Variants in KIAA0319 observed in about 807,000 individuals in gnomAD.
The protein encoded by KIAA0319 is dyslexia-associated protein KIAA0319.
Under a neutral mutation model 108.4 loss-of-function variants are expected in KIAA0319, and 83 were observed. That is an observed-to-expected ratio of 0.77 (90% CI 0.64 to 0.92). The LOEUF (loss-of-function observed/expected upper bound fraction) is 0.92, where lower values mean the gene tolerates loss of function less well. Ranked by LOEUF, KIAA0319 falls within the 40% of genes least tolerant of loss-of-function variation. The pLI is 0.00. For synonymous variants in KIAA0319, 484 were observed against 510.4 expected (o/e 0.95, Z 0.70); for missense variants, 1,195 against 1,322.4 (o/e 0.90, Z 1.49).
At position 24,627,433 on chromosome 6, in the gene KIAA0319, A is replaced by C. The variant is rs149629668; in HGVS notation, c.-106+18303T>G. ...TTGGGAGGGAAGGTGATTAGGTCTT[A>C]GTGAGCATTTTCCCTCCCTCCCTTC... On this transcript the variant is annotated intron_variant, in intron 1 of 20. Transcript: ENST00000378214. Among the ~76,000 whole-genome samples, 495 of 151,220 alleles carry C rather than the reference A, an allele frequency of 3.3e-3. 2 individuals are homozygous for C. The highest frequency in any genetic ancestry group is 0.011 in the African/African-American group (443 of 41,078).
downstream of KIAA0319, among the ~76,000 whole-genome samples, chr6:24,541,597 A>G (rs567099462): frequency 4.0e-4 from 61 of 152,316 alleles, no homozygotes; most frequent in African/African-American, 1.5e-3. Flanking sequence ...CAGCAGTTTG[A>G]GACCGGCCTG....
rs768773465 is a variant in KIAA0319 at position 24,582,221 on chromosome 6, T to TA, written c.1191+27dup. ...GCTCTATGCCGTTACGCTGTGCTGT[T>TA]AGACACAACCAGTCTCCAGTTACTT... On this transcript the variant is annotated intron_variant, in intron 6 of 20. Coordinates refer to ENST00000378214, the MANE Select transcript of KIAA0319 (RefSeq NM_014809.4). 6 of 1,266,026 alleles carry TA rather than the reference T, an allele frequency of 4.7e-6. No individual in the cohort carries two copies. The Admixed American group carries it at 6.7e-5, about 14-fold the overall frequency. 78.4% of individuals were successfully genotyped at this position (1,266,026 alleles called of 1,614,324 possible).
At chr6:24,604,661 G>T (rs1771143904) in intron 1 of KIAA0319, among the ~76,000 whole-genome samples, 1 of 152,138 alleles carries the variant, frequency 6.6e-6, no homozygotes, top group South Asian at 2.1e-4. Context: ...CATTACAGGT[G>T]CTCAGCATAA....
At chr6:24,558,380 G>GATAGAT (rs1425461824) in intron 17 of KIAA0319, among the ~76,000 whole-genome samples, 2 of 150,754 alleles carry the variant, frequency 1.3e-5, no homozygotes, top group African/African-American at 5.0e-5. Context: ...TAGATAGATA[G>GATAGAT]ATAGATAGAT....
At position 24,599,028 on chromosome 6, in the gene KIAA0319, C is replaced by A; in HGVS notation, c.55+2021G>T. ...GAATAACGAGATCAACTTCCTCAGG[C>A]AGCTGTATGAAGAGGAGATCCAGGA... On this transcript the variant is annotated intron_variant, in intron 2 of 20. Transcript: ENST00000378214. This position sits in a 1 kb window ranked among gnomAD's most constrained non-coding sequence, Gnocchi z 4.1. 2.8e-6 allele frequency: 2 copies of A among 726,314 alleles called. No homozygotes were observed. The highest frequency in any genetic ancestry group is 2.5e-6 in the Non-Finnish European group (1 of 402,794). The allele number at this position is 726,314 out of a possible 1,614,324, so 45.0% of individuals were successfully genotyped here. A position where few individuals can be genotyped will look rare whatever the true frequency, so the allele number is the denominator to read the frequency against.
At chr6:24,622,670 C>T (rs534855037) in intron 1 of KIAA0319, among the ~76,000 whole-genome samples, 1 of 152,164 alleles carries the variant, frequency 6.6e-6, no homozygotes, top group Admixed American at 6.6e-5. Context: ...TTTAAACATC[C>T]TAACATACCT....
chr6:24,611,887 C>T (rs1772364248), intron 1 of KIAA0319, among the ~76,000 whole-genome samples: 1 of 151,530 alleles, frequency 6.6e-6, no homozygotes, highest in East Asian at 1.9e-4. Flanking sequence ...GAACCTATCC[C>T]TTAAAAAAAA....
chr6:24,638,301 A>T (rs2127596152), intron 1 of KIAA0319, among the ~76,000 whole-genome samples: 1 of 152,344 alleles, frequency 6.6e-6, no homozygotes. Context: ...AAGCTATTGA[A>T]TTTTAAAATC....
At chr6:24,593,498 T>C (rs781169735) in intron 3 of KIAA0319, among the ~76,000 whole-genome samples, 2 of 149,954 alleles carry the variant, frequency 1.3e-5, no homozygotes, top group Non-Finnish European at 3.0e-5. Context: ...GTTCACGCCA[T>C]TCTCCTGCCT....
chr6:24,601,126 G>A lies in KIAA0319; in HGVS notation c.-23C>T, dbSNP rs1412578049. ...CATTGTGCACCACACAGTGGGTGAT[G>A]GCAGGCTTCTGAGGCGGCCCTGAAG... On this transcript the variant is annotated 5_prime_UTR_variant, in exon 2 of 21. Transcript: ENST00000378214. 1.2e-6 allele frequency: 2 copies of A among 1,613,636 alleles called. No homozygotes were observed. The highest frequency in any genetic ancestry group is 1.7e-6 in the Non-Finnish European group (2 of 1,179,806).
chr6:24,552,078 G>A (rs1761593188), intron 19 of KIAA0319, among the ~76,000 whole-genome samples: 1 of 151,348 alleles, frequency 6.6e-6, no homozygotes, highest in South Asian at 2.1e-4. Context: ...TATGTACAGA[G>A]ACTATTTGAA....
chr6:24,585,038 C>T (rs933745745), intron 4 of KIAA0319, among the ~76,000 whole-genome samples: 2 of 152,158 alleles, frequency 1.3e-5, no homozygotes, highest in African/African-American at 4.8e-5. Context: ...ACATGGCCCA[C>T]AGAAAAGCTC....
Position 24,576,427 on chromosome 6 carries a change from T to A in KIAA0319, c.1675A>T (p.Ile559Phe). The change falls in exon 10 of 21, where the codon ATT (isoleucine) becomes TTT (phenylalanine). Residue 559 changes from isoleucine (I) to phenylalanine (F), a missense_variant. Transcript: ENST00000378214. ...CCCAGGGACCACTCATAGAGGACAA[T>A]CTGGTGATCGTCACTGCTCTGGTTT... ...NGNQSSDDHQ[I>F]VLYEWSLGPG... 3 of 1,614,090 alleles carry A rather than the reference T, an allele frequency of 1.9e-6. No homozygotes were observed. The highest frequency in any genetic ancestry group is 2.5e-6 in the Non-Finnish European group (3 of 1,180,020).
At chr6:24,622,603 C>T (rs1023061229) in intron 1 of KIAA0319, among the ~76,000 whole-genome samples, 1 of 152,146 alleles carries the variant, frequency 6.6e-6, no homozygotes, top group Non-Finnish European at 1.5e-5. Context: ...ATAATGCTAG[C>T]AGCTAATATA....
At chr6:24,547,664 G>A (rs1465413228) in intron 20 of KIAA0319, among the ~76,000 whole-genome samples, 1 of 152,204 alleles carries the variant, frequency 6.6e-6, no homozygotes, top group Non-Finnish European at 1.5e-5. Context: ...TTATGCTGAG[G>A]ATTAAGTGAA....
intron 20 of KIAA0319, 139 bp downstream of exon 20, chr6:24,551,295 G>T: frequency 1.5e-6 from 1 of 659,314 alleles, no homozygotes; most frequent in South Asian, 1.9e-5. Context: ...TTTCATCACA[G>T]AATCCCAGCC....
chr6:24,553,333 A>T (rs866921374), intron 19 of KIAA0319, among the ~76,000 whole-genome samples: 1 of 61,914 alleles, frequency 1.6e-5, no homozygotes. Flanking sequence ...ACACACACAC[A>T]CACGCACATA....
intron 2 of KIAA0319, among the ~76,000 whole-genome samples, 156 bp downstream of exon 2, chr6:24,600,893 C>G (rs1770523125): frequency 6.6e-6 from 1 of 151,792 alleles, no homozygotes; most frequent in South Asian, 2.1e-4. Context: ...CGGAAAACCA[C>G]TCATGCATGA....
At chr6:24,600,909 G>T (rs1770526491) in intron 2 of KIAA0319, 140 bp downstream of exon 2, 1 of 1,119,438 alleles carries the variant, frequency 8.9e-7, no homozygotes. Flanking sequence ...CATGAGGTCT[G>T]CCTTTCATGC....
Sources: allele counts gnomAD v4.1 joint callset (sites outside exome capture counted in the v4.1 genomes callset), GRCh38; gene constraint gnomAD v4.1.1; non-coding constraint Gnocchi (gnomAD v3.1); transcripts MANE v1.5; gene names NCBI Gene and HGNC (gene_info 2026-07-23, HGNC 2026-07-21).